The following ZNF605 variants were observed in gnomAD, a reference collection of about 807,000 sequenced individuals.
ZNF605 encodes zinc finger protein 605.
In ZNF605, 9 loss-of-function variants were observed where a neutral mutation model predicts 7.9. The ratio of observed to expected loss-of-function variants is 1.14; its 90% CI spans 0.68 to 1.98. The LOEUF (loss-of-function observed/expected upper bound fraction) is 1.98. ZNF605 is among the 30% of genes most tolerant of loss of function. The probability of loss-of-function intolerance (pLI) is 0.00; values close to 1 mark genes in which losing one functional copy is unlikely to be tolerated. For synonymous variants in ZNF605, 255 were observed against 260.1 expected (o/e 0.98, Z 0.19); for missense variants, 673 against 762.4 (o/e 0.88, Z 1.38).
chr12:132,955,333 C>A (rs1293740319), intron 1 of ZNF605, among the ~76,000 whole-genome samples: 3 of 152,120 alleles, frequency 2.0e-5, no homozygotes, highest in African/African-American at 4.8e-5. Context: ...TGTTCTCAGG[C>A]GAGGCTGCGT....
intron 4 of ZNF605, among the ~76,000 whole-genome samples, chr12:132,928,183 C>A (rs1301918754): frequency 6.6e-6 from 1 of 152,066 alleles, no homozygotes; most frequent in Non-Finnish European, 1.5e-5. Flanking sequence ...AAAAATGCAA[C>A]ATTAGTATAT....
At chr12:132,942,300 C>T (rs1952451002) in intron 3 of ZNF605, among the ~76,000 whole-genome samples, 1 of 152,198 alleles carries the variant, frequency 6.6e-6, no homozygotes, top group Admixed American at 6.5e-5. Context: ...CTCTTGCTGC[C>T]TTTCCATGGA....
rs1952487868 is a variant in ZNF605, at chr12:132,945,666, T to C, written c.-31A>G. The C allele has an allele frequency of 1.9e-6, 3 of 1,614,272 alleles. No homozygotes were observed. In the South Asian group the frequency reaches 3.3e-5, roughly 18 times the overall value. Reference sequence around the variant, plus strand: ...GCTGCTCTTGGGAAATCTGCTGTTTTGTGACTTCTCTTAGTCCTGACACCC... The same window carrying C: ...GCTGCTCTTGGGAAATCTGCTGTTTCGTGACTTCTCTTAGTCCTGACACCC... On this transcript the variant is annotated 5_prime_UTR_variant, in exon 3 of 5. Coordinates refer to ENST00000360187, the MANE Select transcript of ZNF605 (RefSeq NM_183238.4).
chr12:132,945,840 T>C, intron 2 of ZNF605, 43 bp from the exon 3 acceptor site: 1 of 708,966 alleles, frequency 1.4e-6, no homozygotes, highest in Admixed American at 2.6e-5. Flanking sequence ...ATCTAATTAA[T>C]TTGGGAACCT....
chr12:132,949,668 A>T (rs1952536676), intron 1 of ZNF605, among the ~76,000 whole-genome samples: 1 of 152,132 alleles, frequency 6.6e-6, no homozygotes, highest in Non-Finnish European at 1.5e-5. Context: ...AAGAGAATCA[A>T]GGTAAGACTC....
chr12:132,953,663 G>C (rs1229326800), intron 1 of ZNF605, among the ~76,000 whole-genome samples: 2 of 151,738 alleles, frequency 1.3e-5, no homozygotes, highest in African/African-American at 4.8e-5. Flanking sequence ...TTGACCTCCT[G>C]ATCTGCCTGC....
chr12:132,945,267 A>G (rs1347667852), intron 3 of ZNF605: 2 of 751,566 alleles, frequency 2.7e-6, no homozygotes, highest in Non-Finnish European at 4.5e-6. Context: ...CCCAGCTGAG[A>G]CTTTTGTATG....
chr12:132,935,470 GC>G (rs1952354474), intron 3 of ZNF605, among the ~76,000 whole-genome samples: 1 of 152,058 alleles, frequency 6.6e-6, no homozygotes, highest in Non-Finnish European at 1.5e-5. Flanking sequence ...TTTTGAGGGG[GC>G]CATGCATTCA....
intron 4 of ZNF605, among the ~76,000 whole-genome samples, chr12:132,929,840 G>C (rs1403831431): frequency 6.6e-6 from 1 of 152,190 alleles, no homozygotes; most frequent in Non-Finnish European, 1.5e-5. Flanking sequence ...AGATACTTGG[G>C]AGGCTGAGGC....
At position 132,922,669 on chromosome 12, in the gene ZNF605, CAATT is replaced by C. The variant is rs1200581108; in HGVS notation, c.*2700_*2703del. On this transcript the variant is annotated 3_prime_UTR_variant, in exon 5 of 5. Coordinates refer to ENST00000360187, the MANE Select transcript of ZNF605 (RefSeq NM_183238.4). ...GGCACTATTTACAAATATGTGTTCA[CAATT>C]AAAGACACCCAACCAGTGGGTTGGG... 6.6e-6 allele frequency: 1 copy of C among 152,172 alleles called. No individual in the cohort carries two copies. The highest frequency in any genetic ancestry group is 2.4e-5 in the African/African-American group (1 of 41,430). The allele number at this position is 152,172 out of a possible 1,614,324, so 9.4% of individuals were successfully genotyped here.
chr12:132,945,926 G>A (rs1952490607), intron 2 of ZNF605, 129 bp from the exon 3 acceptor site: 2 of 584,626 alleles, frequency 3.4e-6, no homozygotes, highest in Non-Finnish European at 6.1e-6. Context: ...CTCACACCAG[G>A]GCTAGCGGGC....
At chr12:132,956,046 C>A (rs1209181691) in intron 1 of ZNF605, among the ~76,000 whole-genome samples, 197 bp downstream of exon 1, 1 of 150,990 alleles carries the variant, frequency 6.6e-6, no homozygotes, top group Non-Finnish European at 1.5e-5. Context: ...CCAGAGCCCC[C>A]GCCTGAGGCC....
intron 1 of ZNF605, among the ~76,000 whole-genome samples, chr12:132,955,089 G>A (rs372603772): frequency 0.027 from 4,175 of 152,234 alleles, 118 homozygotes; most frequent in Admixed American, 0.062. Context: ...GTTCCAAAGG[G>A]TTATTGGAAG....
chr12:132,945,744 G>C lies in ZNF605; in HGVS notation c.-109C>G. 1.3e-6 allele frequency: 2 copies of C among 1,500,150 alleles called. No homozygotes were observed. The highest frequency in any genetic ancestry group is 1.1e-5 in the South Asian group (1 of 88,740). 92.9% of individuals were successfully genotyped at this position (1,500,150 alleles called of 1,614,324 possible). On this transcript the variant is annotated 5_prime_UTR_variant, in exon 3 of 5. Transcript: ENST00000360187. ...AAACTGAGAATACATCCTTGGTCTT[G>C]TGGGCTCTTCTTTCTTATCTCACAT...
rs548426401 is a variant in ZNF605 at position 132,924,326 on chromosome 12, G to A, written c.*1047C>T. 6.6e-6 allele frequency: 1 copy of A among 152,316 alleles called. No homozygotes were observed. The highest frequency in any genetic ancestry group is 2.1e-4 in the South Asian group (1 of 4,832). The allele number at this position is 152,316 out of a possible 1,614,324, so 9.4% of individuals were successfully genotyped here. ...CTGATGCTCCATGTGTTTCCACTCT[G>A]TTTCCACTCTGGCTGCTGAGAACAT... On this transcript the variant is annotated 3_prime_UTR_variant, in exon 5 of 5. Transcript: ENST00000360187.
intron 4 of ZNF605, among the ~76,000 whole-genome samples, chr12:132,929,801 TG>T (rs1317883231): frequency 6.6e-6 from 1 of 151,722 alleles, no homozygotes; most frequent in East Asian, 1.9e-4. Context: ...AACAAATAGC[TG>T]GGCGTGGTGG....
chr12:132,945,593 T>A (rs935685409), intron 3 of ZNF605, 28 bp downstream of exon 3: 16 of 1,595,592 alleles, frequency 1.0e-5, no homozygotes, highest in African/African-American at 2.7e-5. Flanking sequence ...ATCATTTTCA[T>A]GAAACAGAGG....
chr12:132,938,466 A>G (rs1313866868), intron 3 of ZNF605, among the ~76,000 whole-genome samples: 2 of 151,536 alleles, frequency 1.3e-5, no homozygotes, highest in Non-Finnish European at 1.5e-5. Flanking sequence ...ACACCCTGCT[A>G]ATTTTTGTAT....
chr12:132,925,976 T>C lies in ZNF605; in HGVS notation c.1323A>G (p.Arg441=). The change falls in exon 5 of 5, where the codon AGA becomes AGG. Residue 441 remains arginine, a synonymous_variant. Transcript: ENST00000360187. ...CATAAGGCTTCTCCCCAGTGTGTGT[T>C]CTGTGATGCGTTAGGAGCTGGGACT... The part of the protein sequence containing the change: ...FGKSQLLTHH[R]THTGEKPYEC... The C allele has an allele frequency of 6.2e-7, 1 of 1,614,216 alleles. No homozygotes were observed. The highest frequency in any genetic ancestry group is 2.2e-5 in the East Asian group (1 of 44,888).
Sources: allele counts gnomAD v4.1 joint callset (sites outside exome capture counted in the v4.1 genomes callset), GRCh38; gene constraint gnomAD v4.1.1; transcripts MANE v1.5; gene names NCBI Gene and HGNC (gene_info 2026-07-23, HGNC 2026-07-21).